Variants in DDX60 observed in about 807,000 individuals in gnomAD.
The protein encoded by DDX60 is DExD/H-box helicase 60.
In DDX60, 165 loss-of-function variants were observed where a neutral mutation model predicts 212.8. The ratio of observed to expected loss-of-function variants is 0.78; its 90% CI spans 0.68 to 0.88. The LOEUF is 0.88. Ranked by LOEUF, DDX60 falls within the 40% of genes least tolerant of loss-of-function variation. The probability of loss-of-function intolerance (pLI) is 0.00; values close to 1 mark genes in which losing one functional copy is unlikely to be tolerated. For missense variants in DDX60, 1,905 were observed against 2,003.9 expected (o/e 0.95, Z 0.94); for synonymous variants, 703 against 685.3 (o/e 1.03, Z -0.40).
At position 168,309,938 on chromosome 4, in the gene DDX60, G is replaced by C. The variant is rs185177901; in HGVS notation, c.74+1060C>G. 7.5e-3 allele frequency among the ~76,000 whole-genome samples: 1,144 copies of C among 152,158 alleles called. 20 individuals carry two copies. The highest frequency in any genetic ancestry group is 0.026 in the African/African-American group (1,084 of 41,516). On this transcript the variant is annotated intron_variant, in intron 3 of 37. Coordinates refer to ENST00000393743, the MANE Select transcript of DDX60 (RefSeq NM_017631.6). Reference sequence around the variant, plus strand: ...TAAAGGCTGTTGGTTTTATCTTCAGGCCTGTCTTTATCTGTAAAGCTGCCA... The same window carrying C: ...TAAAGGCTGTTGGTTTTATCTTCAGCCCTGTCTTTATCTGTAAAGCTGCCA...
intron 30 of DDX60, among the ~76,000 whole-genome samples, chr4:168,240,356 T>G (rs57109616): frequency 0.059 from 8,936 of 152,210 alleles, 809 homozygotes; most frequent in African/African-American, 0.2. Context: ...TTCATGCTCA[T>G]GGACAGAAAG....
chr4:168,262,084 G>A lies in DDX60; in HGVS notation c.3189C>T (p.Val1063=), dbSNP rs139933445. ...ENFIHFNNKL[V]IKKMDARKYE... is the part of the protein sequence containing the mutation. ...ATTTCCTAGCATCCATCTTTTTAAT[G>A]ACTAATTTATTGTTAAAATGAATGA... The change falls in exon 24 of 38, where the codon GTC becomes GTT. Residue 1063 remains valine, a synonymous_variant. Transcript: ENST00000393743. 6.3e-7 allele frequency: 1 copy of A among 1,596,634 alleles called. No homozygotes were observed. Among genetic ancestry groups the A allele is most frequent in the Admixed American group, 1.8e-5 (1 of 56,302 alleles).
chr4:168,313,200 C>T (rs1737217087), intron 1 of DDX60, among the ~76,000 whole-genome samples: 1 of 152,106 alleles, frequency 6.6e-6, no homozygotes, highest in South Asian at 2.1e-4. Context: ...GTCCTGTGTT[C>T]TGAGGTTTCA....
intron 33 of DDX60, among the ~76,000 whole-genome samples, chr4:168,229,303 C>G (rs1215806073): frequency 6.6e-6 from 1 of 151,982 alleles, no homozygotes; most frequent in African/African-American, 2.4e-5. Context: ...TTTAGAGAGC[C>G]AAGTGAAATA....
chr4:168,324,815 G>A, the DDX60 span, among the ~76,000 whole-genome samples: 2 of 152,184 alleles, frequency 1.3e-5, no homozygotes, highest in African/African-American at 4.8e-5. Flanking sequence ...CTCTGCAGAG[G>A]AGGATATCAT....
intron 7 of DDX60, 136 bp downstream of exon 7, chr4:168,293,651 C>A (rs765113152): frequency 1.6e-4 from 119 of 767,408 alleles, no homozygotes; most frequent in Non-Finnish European, 2.3e-4. Context: ...ACACAAATTT[C>A]AGTTTTATTT....
At position 168,286,433 on chromosome 4, in the gene DDX60, GATAGAT is replaced by G. The variant is rs1560859724; in HGVS notation, c.1339+609_1339+614del. ...ACACACACACCACACGAGATAGATA[GATAGAT>G]AGATAGATAGATAGATATTACATAT... On this transcript the variant is annotated intron_variant, in intron 10 of 37. Coordinates refer to ENST00000393743, the MANE Select transcript of DDX60 (RefSeq NM_017631.6). 4.3e-4 allele frequency among the ~76,000 whole-genome samples: 42 copies of G among 96,584 alleles called. No homozygotes were observed. The East Asian group carries it at 9.2e-3, about 21-fold the overall frequency. The allele number at this position is 96,584 out of a possible 152,430, so 63.4% of individuals were successfully genotyped here.
chr4:168,325,117 C>A, the DDX60 span, among the ~76,000 whole-genome samples: 1 of 151,938 alleles, frequency 6.6e-6, no homozygotes, highest in Non-Finnish European at 1.5e-5. Flanking sequence ...TTAAAGGGGC[C>A]CACAGCATTA....
intron 16 of DDX60, among the ~76,000 whole-genome samples, 192 bp from the exon 17 acceptor site, chr4:168,274,275 T>C (rs1199584648): frequency 6.6e-6 from 1 of 152,198 alleles, no homozygotes; most frequent in Non-Finnish European, 1.5e-5. Flanking sequence ...GGGTTTTATG[T>C]GTGACAAATG....
chr4:168,285,989 A>AG (rs1735828180), intron 10 of DDX60, among the ~76,000 whole-genome samples: 1 of 143,446 alleles, frequency 7.0e-6, no homozygotes, highest in South Asian at 2.3e-4. Flanking sequence ...AAAGAAAGAA[A>AG]GAAAGAAAGA....
upstream of DDX60, among the ~76,000 whole-genome samples, chr4:168,322,846 G>A (rs967240785): frequency 5.9e-5 from 9 of 152,364 alleles, no homozygotes; most frequent in African/African-American, 2.2e-4. Context: ...TGAAAAAGCA[G>A]GGACTATGGG....
intron 30 of DDX60, among the ~76,000 whole-genome samples, chr4:168,242,063 C>T (rs1276298068): frequency 1.3e-5 from 2 of 152,200 alleles, no homozygotes; most frequent in African/African-American, 4.8e-5. Context: ...AAGCCCCAAG[C>T]CTTGGCAGCT....
At position 168,261,126 on chromosome 4, in the gene DDX60, T is replaced by C. The variant is rs1046239435; in HGVS notation, c.3274-137A>G. On this transcript the variant is annotated intron_variant, in intron 24 of 37. Coordinates refer to ENST00000393743, the MANE Select transcript of DDX60 (RefSeq NM_017631.6). ...AAAATAGTCCTATGAAAGTACATTA[T>C]AAAACGAGGCAAAGAACCATCAAAG... is the stretch of plus-strand genomic sequence containing the variant. The C allele has an allele frequency of 5.3e-6, 5 of 937,888 alleles. No homozygotes were observed. The Admixed American group carries it at 1.2e-4, about 23-fold the overall frequency. The allele number at this position is 937,888 out of a possible 1,614,324, so 58.1% of individuals were successfully genotyped here. A position where few individuals can be genotyped will look rare whatever the true frequency, so the allele number is the denominator to read the frequency against.
At chr4:168,253,475 C>T (rs1045802741) in intron 26 of DDX60, among the ~76,000 whole-genome samples, 4 of 152,086 alleles carry the variant, frequency 2.6e-5, no homozygotes, top group African/African-American at 9.7e-5. Flanking sequence ...CCTAAACTGA[C>T]AGAGGCCTCT....
intron 33 of DDX60, 105 bp from the exon 34 acceptor site, chr4:168,225,781 T>A: frequency 2.1e-6 from 2 of 973,776 alleles, no homozygotes; most frequent in Non-Finnish European, 2.9e-6. Context: ...ATTCTATAGT[T>A]ATCTATTAAT....
At position 168,307,074 on chromosome 4, in the gene DDX60, C is replaced by A. The variant is rs1736915505; in HGVS notation, c.265-354G>T. On this transcript the variant is annotated intron_variant, in intron 4 of 37. Coordinates refer to ENST00000393743, the MANE Select transcript of DDX60 (RefSeq NM_017631.6). ...ATCTGCATCAGAAAGCTGAGGTGAA[C>A]CATTGTGTTTTAGAGGATTGCTCCA... Among the ~76,000 whole-genome samples the A allele has an allele frequency of 2.0e-5, 3 of 152,162 alleles. No homozygotes were observed. In the South Asian group the frequency reaches 6.2e-4, roughly 31 times the overall value.
chr4:168,322,734 G>A (rs866635553), upstream of DDX60, among the ~76,000 whole-genome samples: 5 of 152,194 alleles, frequency 3.3e-5, no homozygotes, highest in South Asian at 2.1e-4. Context: ...CACTTGACAC[G>A]GAAGTTTGAC....
intron 14 of DDX60, among the ~76,000 whole-genome samples, chr4:168,279,823 G>C (rs1735511339): frequency 6.6e-6 from 1 of 152,180 alleles, no homozygotes; most frequent in Non-Finnish European, 1.5e-5. Flanking sequence ...ACCTGAATTT[G>C]CTGAAGTGTT....
chr4:168,318,841 C>A (rs991153177), upstream of DDX60: 4 of 152,234 alleles, frequency 2.6e-5, no homozygotes, highest in African/African-American at 9.6e-5. Context: ...TTTCAGTTTC[C>A]CTTCAGCACG....
Sources: allele counts gnomAD v4.1 joint callset (sites outside exome capture counted in the v4.1 genomes callset), GRCh38; gene constraint gnomAD v4.1.1; transcripts MANE v1.5; gene names NCBI Gene and HGNC (gene_info 2026-07-23, HGNC 2026-07-21).